CFAP100: variants seen among roughly 807,000 people sequenced by gnomAD.
CFAP100 encodes cilia and flagella associated protein 100.
A neutral mutation model predicts 81.5 loss-of-function variants in CFAP100; 70 were observed. That is an observed-to-expected ratio of 0.86 (90% CI 0.71 to 1.05). CFAP100 has a LOEUF of 1.05. Ranked by LOEUF, CFAP100 falls within the 50% of genes least tolerant of loss-of-function variation. CFAP100 has a pLI of 0.00. For synonymous variants in CFAP100, 341 were observed against 314.8 expected, an observed-to-expected ratio of 1.08 and a Z score of -0.88; for missense variants, 811 against 776.5, an observed-to-expected ratio of 1.04 and a Z score of -0.53.
At chr3:126,400,674 C>A (rs920180298) in intron 2 of CFAP100, among the ~76,000 whole-genome samples, 1 of 152,118 alleles carries the variant, frequency 6.6e-6, no homozygotes, top group Admixed American at 6.5e-5. Flanking sequence ...ATGGCGTGAA[C>A]CCGGGAGGCG....
At chr3:126,396,337 G>T (rs944044917) in intron 2 of CFAP100, among the ~76,000 whole-genome samples, 1 of 152,192 alleles carries the variant, frequency 6.6e-6, no homozygotes, top group Non-Finnish European at 1.5e-5. Flanking sequence ...CTCTGAGCGA[G>T]AACCCATTCC....
chr3:126,419,888 T>C (rs2107607705), intron 9 of CFAP100, 70 bp downstream of exon 9: 1 of 1,610,956 alleles, frequency 6.2e-7, no homozygotes. Context: ...TGAGCCCAGC[T>C]GGCAGGTTAC....
At chr3:126,435,755 C>G in intron 16 of CFAP100, 103 bp downstream of exon 16, 2 of 882,490 alleles carry the variant, frequency 2.3e-6, no homozygotes, top group Non-Finnish European at 3.5e-6. Flanking sequence ...ACTCTGAAGG[C>G]ATTCAATGAG....
At chr3:126,433,367 T>C (rs1395316882) in intron 14 of CFAP100, 163 bp downstream of exon 14, 3 of 760,478 alleles carry the variant, frequency 3.9e-6, no homozygotes, top group East Asian at 5.3e-5. Flanking sequence ...CCACATGTAT[T>C]GATGCCTGTG....
rs1396815935 is a variant in CFAP100 at position 126,419,800 on chromosome 3, T to G, written c.895T>G (p.Ser299Ala). 6.2e-7 allele frequency: 1 copy of G among 1,613,752 alleles called. No individual in the cohort carries two copies. The highest frequency in any genetic ancestry group is 8.5e-7 in the Non-Finnish European group (1 of 1,180,046). Residue 299 changes from serine to alanine, a missense_variant, in exon 9 of 17, where the codon TCC (serine) becomes GCC (alanine). Physicochemically the swap from Ser to Ala is moderately conservative, Grantham distance 99. Coordinates refer to ENST00000352312, the MANE Select transcript of CFAP100 (RefSeq NM_182628.3). ...SEASKESSVNSTPGDKGPGIK... is the reference protein window; with the variant it reads ...SEASKESSVNATPGDKGPGIK... Reference sequence around the variant, plus strand: ...GGCTTCCAAAGAGAGCAGTGTTAACTCCACACCAGGGGACAAAGGTAGCAG... The same window carrying G: ...GGCTTCCAAAGAGAGCAGTGTTAACGCCACACCAGGGGACAAAGGTAGCAG...
intron 8 of CFAP100, 58 bp from the exon 9 acceptor site, chr3:126,419,579 C>T: frequency 1.3e-6 from 2 of 1,535,680 alleles, no homozygotes; most frequent in Non-Finnish European, 1.8e-6. Flanking sequence ...GCATGGGGAC[C>T]TCGCTGTGGC....
intron 13 of CFAP100, among the ~76,000 whole-genome samples, chr3:126,426,568 G>A (rs570258368): frequency 4.1e-4 from 62 of 152,174 alleles, no homozygotes; most frequent in African/African-American, 1.5e-3. Context: ...TGGCCAACAT[G>A]GTAAAACCCC....
Position 126,436,421 on chromosome 3 carries a change from C to G in CFAP100, c.*17C>G, listed in dbSNP as rs1224848547. 6.3e-7 allele frequency: 1 copy of G among 1,587,048 alleles called. No individual in the cohort carries two copies. The highest frequency in any genetic ancestry group is 1.3e-5 in the African/African-American group (1 of 74,538). ...TTTACTTAATCTTCGCAGACCATAG[C>G]TGTTCTGGCTGAAGGCTTAGCAAAG... On this transcript the variant is annotated 3_prime_UTR_variant, in exon 17 of 17. Transcript: ENST00000352312.
intron 5 of CFAP100, 152 bp downstream of exon 5, chr3:126,416,660 C>T (rs1159637312): frequency 6.2e-6 from 4 of 650,234 alleles, no homozygotes; most frequent in Non-Finnish European, 2.6e-6. Flanking sequence ...CTGTGTTTGG[C>T]CTCTCCAGGG....
chr3:126,432,860 T>C (rs998614355), intron 13 of CFAP100: 3 of 447,622 alleles, frequency 6.7e-6, no homozygotes, highest in Non-Finnish European at 1.2e-5. Context: ...GTTTATTTTC[T>C]TTAATGTTGA....
intron 4 of CFAP100, among the ~76,000 whole-genome samples, chr3:126,414,840 G>T (rs369692544): frequency 6.6e-6 from 1 of 152,210 alleles, no homozygotes; most frequent in Non-Finnish European, 1.5e-5. Flanking sequence ...TCCCAGGGTC[G>T]CACCTGGGCT....
chr3:126,422,854 C>T (rs901559047), intron 11 of CFAP100, among the ~76,000 whole-genome samples: 34 of 152,282 alleles, frequency 2.2e-4, no homozygotes, highest in East Asian at 1.4e-3. Flanking sequence ...GCCCCAGCAG[C>T]GGAGCCGCAG....
rs117254926 is a variant in CFAP100 at position 126,430,964 on chromosome 3, T to C, written c.1287-2105T>C. Among the ~76,000 whole-genome samples, 301 of 152,322 alleles carry C rather than the reference T, an allele frequency of 2.0e-3. 3 individuals are homozygous for C. In the East Asian group the frequency reaches 0.049, roughly 25 times the overall value. ...TTATCAGGTTCCTTTTGTGGTGTCA[T>C]GTTTCCCTGATTTTTCATGATCCTT... On this transcript the variant is annotated intron_variant, in intron 13 of 16. Transcript: ENST00000352312.
chr3:126,402,767 G>GA (rs1560062222), intron 2 of CFAP100, among the ~76,000 whole-genome samples: 1 of 151,808 alleles, frequency 6.6e-6, no homozygotes, highest in Non-Finnish European at 1.5e-5. Context: ...TAAATGAGAA[G>GA]ACTTGGTTAA....
intron 11 of CFAP100, among the ~76,000 whole-genome samples, chr3:126,422,323 C>T (rs988599401): frequency 6.6e-6 from 1 of 152,222 alleles, no homozygotes; most frequent in Non-Finnish European, 1.5e-5. Context: ...GTGGGTCTGG[C>T]GAGTGCTGTA....
intron 13 of CFAP100, among the ~76,000 whole-genome samples, chr3:126,428,846 C>T (rs962102765): frequency 6.6e-6 from 1 of 152,094 alleles, no homozygotes; most frequent in South Asian, 2.1e-4. Flanking sequence ...GTGGCTCACG[C>T]CTGTAATCCC....
chr3:126,403,383 C>CTTTT (rs10707460), intron 2 of CFAP100, among the ~76,000 whole-genome samples: 2 of 117,598 alleles, frequency 1.7e-5, no homozygotes, highest in Non-Finnish European at 3.5e-5. Context: ...TGTATTTTAT[C>CTTTT]TTTTTTTTTT....
intron 3 of CFAP100, among the ~76,000 whole-genome samples, chr3:126,412,459 T>C (rs1001090448): frequency 3.3e-5 from 5 of 152,232 alleles, no homozygotes; most frequent in African/African-American, 1.2e-4. Context: ...CATAATACCC[T>C]TTATCAGATT....
Position 126,423,337 on chromosome 3 carries a change from C to G in CFAP100, c.1095C>G (p.Pro365=), listed in dbSNP as rs1400048032. Residue 365 remains proline, a synonymous_variant, in exon 12 of 17, where the codon CCC becomes CCG. Coordinates refer to ENST00000352312, the MANE Select transcript of CFAP100 (RefSeq NM_182628.3). Reference sequence around the variant, plus strand: ...CATCTCTTCGCAGGTCGAACTCTCCCATCCCCCCCACGCAGGAGGACACCG... The same window carrying G: ...CATCTCTTCGCAGGTCGAACTCTCCGATCCCCCCCACGCAGGAGGACACCG... The part of the protein sequence containing the change: ...SGGDSRGSNS[P]IPPTQEDTDS... The G allele has an allele frequency of 6.2e-7, 1 of 1,613,330 alleles. No individual in the cohort carries two copies. Among genetic ancestry groups the G allele is most frequent in the Non-Finnish European group, 8.5e-7 (1 of 1,179,758 alleles).
Sources: allele counts gnomAD v4.1 joint callset (sites outside exome capture counted in the v4.1 genomes callset), GRCh38; gene constraint gnomAD v4.1.1; transcripts MANE v1.5; gene names NCBI Gene and HGNC (gene_info 2026-07-23, HGNC 2026-07-21).